Variants in NAV2 observed in about 807,000 individuals in gnomAD.
NAV2 encodes the protein neuron navigator 2.
A neutral mutation model predicts 223.2 loss-of-function variants in NAV2; 54 were observed. The observed-to-expected ratio is 0.24, with a 90% CI of 0.19 to 0.30. The LOEUF is 0.30. Ranked by LOEUF, NAV2 falls within the 10% of genes least tolerant of loss-of-function variation. The probability of loss-of-function intolerance (pLI) is 1.00; values close to 1 mark genes in which losing one functional copy is unlikely to be tolerated. For missense variants in NAV2, 2,806 were observed against 3,147.5 expected, an observed-to-expected ratio of 0.89 and a Z score of 2.60; for synonymous variants, 1,279 against 1,239.3, an observed-to-expected ratio of 1.03 and a Z score of -0.67.
Position 19,713,727 on chromosome 11 carries a change from A to G in NAV2, c.32A>G (p.Lys11Arg). The G allele has an allele frequency of 6.3e-7, 1 of 1,591,634 alleles. No individual in the cohort carries two copies. The highest frequency in any genetic ancestry group is 1.7e-5 in the Admixed American group (1 of 58,166). ...GCCATCCTGGTCGCCTCCAAAATGAAGTCGGGACTGCCCAAACCCGTGCAC... is the reference window on the plus strand; with the variant it reads ...GCCATCCTGGTCGCCTCCAAAATGAGGTCGGGACTGCCCAAACCCGTGCAC... MPAILVASKM[K>R]SGLPKPVHSA... is the part of the protein sequence containing the mutation. The change falls in exon 1 of 38, where the codon AAG becomes AGG. Residue 11 changes from lysine to arginine, a missense_variant. Physicochemically the swap from Lys to Arg is conservative, Grantham distance 26 (BLOSUM62 2). This residue lies in a region of NAV2 where 1,167 missense variants were observed against 1,180.5 expected (regional missense o/e 0.99). Coordinates refer to ENST00000349880, the MANE Select transcript of NAV2 (RefSeq NM_145117.5). The surrounding 1 kb of genome is among the most constrained non-coding windows in gnomAD (Gnocchi z 7.2).
chr11:19,919,003 A>G (rs1457242906), intron 6 of NAV2, among the ~76,000 whole-genome samples: 1 of 152,196 alleles, frequency 6.6e-6, no homozygotes, highest in Non-Finnish European at 1.5e-5. Context: ...CTGGGAAAGT[A>G]CCTGAAACAG....
chr11:19,646,305 G>A (rs546847261), intron 1 of NAV2, among the ~76,000 whole-genome samples: 8 of 152,364 alleles, frequency 5.3e-5, no homozygotes, highest in Non-Finnish European at 1.2e-4. Flanking sequence ...TTGAGGGGCT[G>A]CAGAATGGAG....
chr11:19,538,519 GTTT>G (rs67680795), intron 1 of NAV2, among the ~76,000 whole-genome samples: 1 of 140,480 alleles, frequency 7.1e-6, no homozygotes, highest in African/African-American at 2.8e-5. Flanking sequence ...TTTTGTTTTT[GTTT>G]TTTTTTTTTC....
At chr11:19,705,967 C>G (rs1254514184) in intron 1 of NAV2, among the ~76,000 whole-genome samples, 3 of 152,130 alleles carry the variant, frequency 2.0e-5, no homozygotes, top group Non-Finnish European at 4.4e-5. Flanking sequence ...TTCACATATC[C>G]AAATGCTCAC....
intron 1 of NAV2, among the ~76,000 whole-genome samples, chr11:19,770,056 CA>C (rs1213067724): frequency 1.6e-4 from 24 of 151,982 alleles, no homozygotes; most frequent in Non-Finnish European, 3.1e-4. Flanking sequence ...CAAAACAAAA[CA>C]AAAAACCAAC....
At chr11:19,742,316 G>A (rs1358024690) in intron 1 of NAV2, among the ~76,000 whole-genome samples, 1 of 152,188 alleles carries the variant, frequency 6.6e-6, no homozygotes, top group East Asian at 1.9e-4. Flanking sequence ...TGTAAAACAA[G>A]GGTGATAAAA....
chr11:19,481,887 C>T (rs762433948), intron 1 of NAV2, among the ~76,000 whole-genome samples: 11 of 152,306 alleles, frequency 7.2e-5, no homozygotes, highest in African/African-American at 1.4e-4. Flanking sequence ...CCTTACTGAA[C>T]GCTTGTTGGA....
rs184418445 is a variant in NAV2 at position 19,804,029 on chromosome 11, G to T, written c.268-28455G>T. ...GTGATCTGTGGCCAATTTGCTTAATGACTTTTACTACTTACTTTCTGAATC... is the reference window on the plus strand; with the variant it reads ...GTGATCTGTGGCCAATTTGCTTAATTACTTTTACTACTTACTTTCTGAATC... On this transcript the variant is annotated intron_variant, in intron 1 of 37. Transcript: ENST00000349880. Among the ~76,000 whole-genome samples the T allele has an allele frequency of 3.9e-5, 6 of 152,258 alleles. No individual in the cohort carries two copies. The East Asian group carries it at 1.2e-3, about 29-fold the overall frequency.
intron 1 of NAV2, among the ~76,000 whole-genome samples, chr11:19,429,351 T>TA (rs1217410821): frequency 7.9e-5 from 12 of 152,350 alleles, no homozygotes; most frequent in African/African-American, 2.9e-4. Flanking sequence ...AACCAATCAA[T>TA]AAAGCCTCAC....
chr11:20,020,589 G>A (rs535411540), intron 11 of NAV2, among the ~76,000 whole-genome samples: 27 of 152,270 alleles, frequency 1.8e-4, no homozygotes, highest in African/African-American at 6.3e-4. Flanking sequence ...AACATGAAAG[G>A]TGTGATTCTT....
chr11:19,652,794 A>G (rs934663611), intron 1 of NAV2, among the ~76,000 whole-genome samples: 3 of 152,220 alleles, frequency 2.0e-5, no homozygotes, highest in African/African-American at 7.2e-5. Flanking sequence ...GAACCATCCC[A>G]TACATAGCAT....
intron 11 of NAV2, among the ~76,000 whole-genome samples, chr11:20,029,671 T>C (rs1723755394): frequency 6.6e-6 from 1 of 152,210 alleles, no homozygotes; most frequent in South Asian, 2.1e-4. Context: ...AGTGGCTCAA[T>C]GGATGAGATG....
At chr11:19,643,257 T>C (rs1461144419) in intron 1 of NAV2, among the ~76,000 whole-genome samples, 3 of 152,170 alleles carry the variant, frequency 2.0e-5, no homozygotes, top group African/African-American at 7.2e-5. Context: ...GTTGGTGTGC[T>C]GCACCCATTA....
chr11:20,089,679 C>T (rs1172030535), intron 26 of NAV2, among the ~76,000 whole-genome samples: 1 of 152,174 alleles, frequency 6.6e-6, no homozygotes, highest in Non-Finnish European at 1.5e-5. Context: ...TATTCTGGAT[C>T]ACCCAGTAAC....
At chr11:19,555,856 G>A (rs569020843) in intron 1 of NAV2, among the ~76,000 whole-genome samples, 176 of 135,048 alleles carry the variant, frequency 1.3e-3, no homozygotes, top group African/African-American at 4.6e-3. Context: ...CCCAGCCCCA[G>A]CCCCAGCCCC....
chr11:19,754,932 C>T (rs1171471244), intron 1 of NAV2, among the ~76,000 whole-genome samples: 1 of 152,138 alleles, frequency 6.6e-6, no homozygotes, highest in Non-Finnish European at 1.5e-5. Context: ...CTTTTCTCTC[C>T]TGGATTCTTT....
At chr11:19,639,366 T>C (rs73422491) in intron 1 of NAV2, among the ~76,000 whole-genome samples, 2,070 of 152,316 alleles carry the variant, frequency 0.014, 48 homozygotes, top group African/African-American at 0.047. Context: ...ACAGCCTGCA[T>C]AGCCCCATGT....
chr11:19,412,473 G>C (rs1850186389), intron 1 of NAV2, among the ~76,000 whole-genome samples: 1 of 152,154 alleles, frequency 6.6e-6, no homozygotes, highest in Admixed American at 6.5e-5. Flanking sequence ...GCACCTGGGG[G>C]AAGGGGCGGC....
chr11:19,429,555 C>A (rs1426915006), intron 1 of NAV2, among the ~76,000 whole-genome samples: 2 of 152,190 alleles, frequency 1.3e-5, no homozygotes, highest in Non-Finnish European at 2.9e-5. Context: ...TCCACAGTCT[C>A]TTCATCTCTG....
Sources: gnomAD v4.1 joint callset for allele counts (sites outside exome capture counted in the v4.1 genomes callset) on GRCh38, gnomAD v4.1.1 for gene constraint, gnomAD v4.1.1 regional missense constraint, Gnocchi (gnomAD v3.1) non-coding constraint, MANE v1.5 for transcripts, NCBI Gene and HGNC (gene_info 2026-07-23, HGNC 2026-07-21) for gene names.